HMCN1: variants seen among roughly 807,000 people sequenced by gnomAD.
HMCN1 encodes the protein hemicentin 1, also known as hemicentin-1.
HMCN1 carries 321 observed loss-of-function variants against 625.9 expected under a neutral mutation model. The ratio of observed to expected loss-of-function variants is 0.51; its 90% confidence interval spans 0.47 to 0.56. The LOEUF (loss-of-function observed/expected upper bound fraction) is 0.56, where lower values mean the gene tolerates loss of function less well. Ranked by LOEUF, HMCN1 falls within the 20% of genes least tolerant of loss-of-function variation. The pLI, the probability that HMCN1 is intolerant of heterozygous loss-of-function variation, is 0.00. For missense variants in HMCN1, 6,588 were observed against 6,887.3 expected (o/e 0.96, Z 1.54); for synonymous variants, 2,425 against 2,417.6 (o/e 1.00, Z -0.09).
chr1:186,019,469 C>A (rs925189241), intron 34 of HMCN1, 72 bp from the exon 35 acceptor site: 12 of 1,072,456 alleles, frequency 1.1e-5, no homozygotes, highest in Non-Finnish European at 1.6e-5. Flanking sequence ...GTTTCAGGTT[C>A]TTGCATACAT....
intron 1 of HMCN1, among the ~76,000 whole-genome samples, chr1:185,798,462 T>C (rs1658556721): frequency 6.6e-6 from 1 of 152,196 alleles, no homozygotes; most frequent in Non-Finnish European, 1.5e-5. Context: ...TTTTCTCAGA[T>C]AGGTTTTACG....
intron 10 of HMCN1, among the ~76,000 whole-genome samples, chr1:185,930,773 T>C (rs141707425): frequency 3.4e-4 from 52 of 152,248 alleles, no homozygotes; most frequent in African/African-American, 1.2e-3. Context: ...TATAAACACA[T>C]AGAATCTAAT....
chr1:186,117,639 G>A lies in HMCN1; in HGVS notation c.11848+16G>A. On this transcript the variant is annotated intron_variant, in intron 77 of 106. Transcript: ENST00000271588. ...CTGTCCTCAGGTAAGACCAAGCTCA[G>A]TGATTTCACATCTATTGATTGTATT... is the stretch of plus-strand genomic sequence containing the variant. The A allele has an allele frequency of 6.2e-7, 1 of 1,608,896 alleles. No homozygotes were observed. The highest frequency in any genetic ancestry group is 8.5e-7 in the Non-Finnish European group (1 of 1,175,438).
At chr1:186,136,394 G>A (rs543058007) in intron 86 of HMCN1, among the ~76,000 whole-genome samples, 6 of 152,094 alleles carry the variant, frequency 3.9e-5, no homozygotes, top group African/African-American at 1.4e-4. Flanking sequence ...AGGTAGTAAG[G>A]AGCAGACACA....
intron 71 of HMCN1, among the ~76,000 whole-genome samples, chr1:186,111,172 G>A (rs1266230390): frequency 6.6e-6 from 1 of 150,838 alleles, no homozygotes; most frequent in Admixed American, 6.6e-5. Flanking sequence ...TAATAGAGAC[G>A]GGGTTTCACC....
At chr1:185,877,321 C>CTTTTTTTTTTTTTTTTTTT (rs71557837) in intron 4 of HMCN1, among the ~76,000 whole-genome samples, 9 of 34,902 alleles carry the variant, frequency 2.6e-4, no homozygotes, top group Non-Finnish European at 3.2e-4. Context: ...ATGTGTCTTT[C>CTTTTTTTTTTTTTTTTTTT]TTTTTTTTTT....
At chr1:186,106,577 T>C (rs1156651974) in intron 69 of HMCN1, among the ~76,000 whole-genome samples, 2 of 152,228 alleles carry the variant, frequency 1.3e-5, no homozygotes, top group East Asian at 3.8e-4. Context: ...TCAATGAACA[T>C]TGAGGATATA....
chr1:186,004,012 T>A (rs1035818554), intron 29 of HMCN1, among the ~76,000 whole-genome samples, 168 bp downstream of exon 29: 1 of 152,164 alleles, frequency 6.6e-6, no homozygotes, highest in Non-Finnish European at 1.5e-5. Context: ...TCTTGTAATT[T>A]TTTCATTCTT....
chr1:185,944,019 T>C (rs1668211193), intron 11 of HMCN1, among the ~76,000 whole-genome samples: 1 of 152,202 alleles, frequency 6.6e-6, no homozygotes, highest in African/African-American at 2.4e-5. Context: ...CTCTGAAGGA[T>C]TACCGACTTT....
rs996805175 is a variant in HMCN1, at chr1:186,078,364, T to C, written c.8599+144T>C. On this transcript the variant is annotated intron_variant, in intron 55 of 106. Coordinates refer to ENST00000271588, the MANE Select transcript of HMCN1 (RefSeq NM_031935.3). The stretch of plus-strand genomic sequence containing the variant: ...AGTTCTCCCAAGGAGGTAATTATCT[T>C]CTACAAATTGACAGCACATTAGTCA... 1.3e-4 allele frequency: 90 copies of C among 681,120 alleles called. 1 individual carries two copies. Among genetic ancestry groups the C allele is most frequent in the African/African-American group, 1.2e-3 (65 of 55,736 alleles). The allele number at this position is 681,120 out of a possible 1,614,324, so 42.2% of individuals were successfully genotyped here.
chr1:185,787,137 A>ATG (rs1181163433), intron 1 of HMCN1, among the ~76,000 whole-genome samples: 118 of 132,282 alleles, frequency 8.9e-4, no homozygotes, highest in Middle Eastern at 3.7e-3. Flanking sequence ...AAGCGCCATG[A>ATG]TGTATGTGTG....
At chr1:186,049,185 A>G (rs1258320315) in intron 42 of HMCN1, among the ~76,000 whole-genome samples, 3 of 152,038 alleles carry the variant, frequency 2.0e-5, no homozygotes, top group African/African-American at 7.2e-5. Flanking sequence ...AGGCCAAATT[A>G]TATATGTGAA....
intron 6 of HMCN1, among the ~76,000 whole-genome samples, chr1:185,918,597 G>A (rs149922195): frequency 6.6e-5 from 10 of 152,134 alleles, no homozygotes; most frequent in African/African-American, 9.6e-5. Context: ...TAATTTTAAC[G>A]TATCACTAGT....
intron 43 of HMCN1, 75 bp downstream of exon 43, chr1:186,053,149 T>A: frequency 7.1e-7 from 1 of 1,402,880 alleles, no homozygotes; most frequent in Non-Finnish European, 1.0e-6. Flanking sequence ...AATAAATGTG[T>A]TAGATTATAA....
At chr1:186,013,236 A>G (rs1203976395) in intron 30 of HMCN1, among the ~76,000 whole-genome samples, 2 of 152,194 alleles carry the variant, frequency 1.3e-5, no homozygotes, top group Non-Finnish European at 2.9e-5. Flanking sequence ...TATTGACACT[A>G]AAGTTTGAGT....
chr1:185,911,948 G>T (rs1666447860), intron 6 of HMCN1, among the ~76,000 whole-genome samples, 168 bp downstream of exon 6: 1 of 152,096 alleles, frequency 6.6e-6, no homozygotes, highest in Admixed American at 6.6e-5. Context: ...ACATGAATTT[G>T]GTAGTTTTCA....
At chr1:186,127,132 A>G (rs570035192) in intron 82 of HMCN1, among the ~76,000 whole-genome samples, 1 of 152,254 alleles carries the variant, frequency 6.6e-6, no homozygotes, top group South Asian at 2.1e-4. Context: ...GAAGGGTGAA[A>G]TAGCCATCAG....
chr1:186,069,845 C>A, intron 51 of HMCN1, 69 bp downstream of exon 51: 2 of 933,660 alleles, frequency 2.1e-6, no homozygotes, highest in Non-Finnish European at 3.5e-6. Flanking sequence ...TCCTGTTTTT[C>A]ATTATGGGTT....
Position 186,128,250 on chromosome 1 carries a change from T to C in HMCN1, c.12863T>C (p.Leu4288Ser). ...RLSCKATGIPLPKLTWTFNNN... is the reference protein window; with the variant it reads ...RLSCKATGIPSPKLTWTFNNN... ...AGCTGTAAAGCTACTGGTATTCCAT[T>C]GCCCAAATTAACATGGACCTTCAAT... Residue 4288 changes from leucine (L) to serine (S), a missense_variant, in exon 83 of 107, where the codon TTG becomes TCG. Around this residue, in one of 3 missense-constraint regions of HMCN1, gnomAD observed 1,954 missense variants for 2,013.1 expected, o/e 0.97. Coordinates refer to ENST00000271588, the MANE Select transcript of HMCN1 (RefSeq NM_031935.3). 3 of 1,613,552 alleles carry C rather than the reference T, an allele frequency of 1.9e-6. No individual in the cohort carries two copies. The highest frequency in any genetic ancestry group is 2.5e-6 in the Non-Finnish European group (3 of 1,179,644).
Sources: allele counts gnomAD v4.1 joint callset (sites outside exome capture counted in the v4.1 genomes callset), GRCh38; gene constraint gnomAD v4.1.1; regional missense constraint gnomAD v4.1.1; transcripts MANE v1.5; gene names NCBI Gene and HGNC (gene_info 2026-07-23, HGNC 2026-07-21).